SAMD12: variants seen among roughly 807,000 people sequenced by gnomAD.
SAMD12 encodes the protein sterile alpha motif domain-containing protein 12.
SAMD12 carries 9 observed loss-of-function variants against 15.0 expected under a neutral mutation model. That is an observed-to-expected ratio of 0.60 (90% CI 0.36 to 1.05). The LOEUF (loss-of-function observed/expected upper bound fraction) is 1.05. Ranked by LOEUF, SAMD12 falls within the 50% of genes least tolerant of loss-of-function variation. The pLI, the probability that SAMD12 is intolerant of heterozygous loss-of-function variation, is 0.01. For missense variants in SAMD12, 230 were observed against 234.2 expected (o/e 0.98, Z 0.12); for synonymous variants, 86 against 90.1 (o/e 0.96, Z 0.25).
chr8:118,618,033 T>TG (rs201353790), intron 1 of SAMD12, among the ~76,000 whole-genome samples: 5 of 150,472 alleles, frequency 3.3e-5, no homozygotes, highest in Admixed American at 2.0e-4. Flanking sequence ...TTTTTGTTTT[T>TG]TTTTTTTTTA....
chr8:118,245,150 A>G (rs1315804884), intron 4 of SAMD12, among the ~76,000 whole-genome samples: 1 of 152,014 alleles, frequency 6.6e-6, no homozygotes, highest in East Asian at 1.9e-4. Context: ...CAAGCCATTT[A>G]TTTTCTGCTT....
At chr8:118,156,000 T>C in the SAMD12 span, among the ~76,000 whole-genome samples, 1 of 152,244 alleles carries the variant, frequency 6.6e-6, no homozygotes, top group African/African-American at 2.4e-5. Context: ...ATACCTTTTT[T>C]CATAATATAT....
downstream of SAMD12, among the ~76,000 whole-genome samples, chr8:118,187,989 T>C (rs1336519516): frequency 1.3e-5 from 2 of 150,410 alleles, no homozygotes; most frequent in Non-Finnish European, 3.0e-5. Context: ...CAAAGACAGA[T>C]AACTGCTCTA....
At chr8:118,213,238 ATC>A (rs1811879679) in intron 4 of SAMD12, among the ~76,000 whole-genome samples, 1 of 152,096 alleles carries the variant, frequency 6.6e-6, no homozygotes. Flanking sequence ...GCTTCCTTGA[ATC>A]TGGGACAGGC....
intron 2 of SAMD12, among the ~76,000 whole-genome samples, chr8:118,449,824 A>C (rs529449854): frequency 2.6e-4 from 40 of 151,328 alleles, no homozygotes; most frequent in Non-Finnish European, 4.6e-4. Flanking sequence ...AAAACAACAA[A>C]AAAAAAGGTG....
At chr8:118,318,784 C>T (rs1816079260) in intron 4 of SAMD12, among the ~76,000 whole-genome samples, 1 of 152,034 alleles carries the variant, frequency 6.6e-6, no homozygotes, top group Admixed American at 6.6e-5. Flanking sequence ...GACCCCAACC[C>T]TGGGGAGGGG....
the SAMD12 span, among the ~76,000 whole-genome samples, chr8:118,176,590 A>G: frequency 6.6e-6 from 1 of 152,212 alleles, no homozygotes. Flanking sequence ...GTATGTTCTC[A>G]CTTATAAGTG....
chr8:118,577,017 T>C (rs1199112259), intron 2 of SAMD12, among the ~76,000 whole-genome samples: 1 of 152,220 alleles, frequency 6.6e-6, no homozygotes, highest in Admixed American at 6.5e-5. Flanking sequence ...AGCTGTGGCG[T>C]GGCATGGCAT....
chr8:118,548,641 G>A (rs957228163), intron 2 of SAMD12, among the ~76,000 whole-genome samples: 1 of 152,246 alleles, frequency 6.6e-6, no homozygotes, highest in Non-Finnish European at 1.5e-5. Flanking sequence ...TGAGGTACCG[G>A]GTTCATCTCA....
rs1039580022 is a variant in SAMD12 at position 118,207,978 on chromosome 8, C to G, written c.434-10246G>C. Reference sequence around the variant, plus strand: ...GAGATAGAAATATCTCTTTTGGAAACAAAGCTATGCAAGATAAAAATGTAT... The same window carrying G: ...GAGATAGAAATATCTCTTTTGGAAAGAAAGCTATGCAAGATAAAAATGTAT... On this transcript the variant is annotated intron_variant, in intron 4 of 4. Transcript: ENST00000409003. 2.7e-5 allele frequency among the ~76,000 whole-genome samples: 4 copies of G among 150,788 alleles called. No individual in the cohort carries two copies. In the East Asian group the frequency reaches 7.8e-4, roughly 29 times the overall value.
intron 1 of SAMD12, among the ~76,000 whole-genome samples, chr8:118,584,687 TAA>T (rs1401125450): frequency 1.3e-5 from 2 of 152,204 alleles, no homozygotes; most frequent in African/African-American, 2.4e-5. Flanking sequence ...TAAAAAAATT[TAA>T]GAGAGAAATG....
chr8:118,617,067 G>A (rs1328619357), intron 1 of SAMD12, among the ~76,000 whole-genome samples: 5 of 152,184 alleles, frequency 3.3e-5, no homozygotes, highest in Admixed American at 1.3e-4. Flanking sequence ...TCCCTATGAC[G>A]GGTAAGTTCA....
At chr8:118,595,967 T>C (rs1285713472) in intron 1 of SAMD12, among the ~76,000 whole-genome samples, 1 of 152,232 alleles carries the variant, frequency 6.6e-6, no homozygotes, top group Non-Finnish European at 1.5e-5. Context: ...GCTTTGGCCA[T>C]GTGAATTTGG....
At chr8:118,549,032 A>C (rs1453145800) in intron 2 of SAMD12, among the ~76,000 whole-genome samples, 1 of 152,256 alleles carries the variant, frequency 6.6e-6, no homozygotes, top group East Asian at 1.9e-4. Context: ...AGGAAGCTGG[A>C]ACTGGGTGGA....
downstream of SAMD12, among the ~76,000 whole-genome samples, chr8:118,188,016 G>A (rs1013420216): frequency 3.8e-4 from 58 of 151,168 alleles, no homozygotes; most frequent in African/African-American, 1.4e-3. Context: ...AAAGAAGGAA[G>A]GAGAAGGGTA....
At chr8:118,164,153 C>T in the SAMD12 span, among the ~76,000 whole-genome samples, 2 of 152,080 alleles carry the variant, frequency 1.3e-5, no homozygotes, top group Non-Finnish European at 2.9e-5. Flanking sequence ...AGAACTCCTT[C>T]TTGATGTTTT....
At chr8:118,469,023 A>G (rs139106396) in intron 2 of SAMD12, among the ~76,000 whole-genome samples, 1 of 152,234 alleles carries the variant, frequency 6.6e-6, no homozygotes, top group Non-Finnish European at 1.5e-5. Flanking sequence ...GGTCCGCACT[A>G]TTCTTTCTGC....
chr8:118,415,835 C>T (rs1402514540), intron 3 of SAMD12, among the ~76,000 whole-genome samples: 1 of 152,140 alleles, frequency 6.6e-6, no homozygotes, highest in African/African-American at 2.4e-5. Context: ...AGTGGCAGCT[C>T]ACAGGTTGGG....
At chr8:118,334,990 C>T (rs1182719732) in intron 4 of SAMD12, among the ~76,000 whole-genome samples, 1 of 152,148 alleles carries the variant, frequency 6.6e-6, no homozygotes, top group Non-Finnish European at 1.5e-5. Flanking sequence ...TTCCCAAACA[C>T]GTGGTGTGAG....
Sources: allele counts gnomAD v4.1 joint callset (sites outside exome capture counted in the v4.1 genomes callset), GRCh38; gene constraint gnomAD v4.1.1; transcripts MANE v1.5; gene names NCBI Gene and HGNC (gene_info 2026-07-23, HGNC 2026-07-21).